The following ABR variants were observed in gnomAD, a reference collection of about 807,000 sequenced individuals.
ABR encodes the protein ABR activator of RhoGEF and GTPase.
A neutral mutation model predicts 107.2 loss-of-function variants in ABR; 35 were observed. The observed-to-expected ratio is 0.33, with a 90% confidence interval of 0.25 to 0.43. ABR has a LOEUF of 0.43. Among genes scored for constraint, ABR ranks in the 20% least tolerant of loss-of-function variants. The probability of loss-of-function intolerance (pLI) is 1.00; values close to 1 mark genes in which losing one functional copy is unlikely to be tolerated. For missense variants in ABR, 815 were observed against 1,115.2 expected (o/e 0.73, Z 3.83); for synonymous variants, 498 against 462.0 (o/e 1.08, Z -1.00).
upstream of ABR, among the ~76,000 whole-genome samples, chr17:1,187,576 G>C (rs1235567946): frequency 6.6e-6 from 1 of 152,184 alleles, no homozygotes; most frequent in Non-Finnish European, 1.5e-5. Context: ...TCATCCCGCC[G>C]GACAAAACCT....
Position 1,025,086 on chromosome 17 carries a change from C to A in ABR, c.1792-11922G>T, listed in dbSNP as rs2072075707. Reference sequence around the variant, plus strand: ...GCAGTGAGCCAAGATTGCGCCACTGCACTCCAGCCTGGGCGACAGCGAGAC... The same window carrying A: ...GCAGTGAGCCAAGATTGCGCCACTGAACTCCAGCCTGGGCGACAGCGAGAC... On this transcript the variant is annotated intron_variant, in intron 16 of 22. Coordinates refer to ENST00000302538, the MANE Select transcript of ABR (RefSeq NM_021962.5). Among the ~76,000 whole-genome samples, 3 of 112,972 alleles carry A rather than the reference C, an allele frequency of 2.7e-5. 1 individual carries two copies. In the South Asian group the frequency reaches 9.3e-4, roughly 35 times the overall value. 74.1% of individuals were successfully genotyped at this position (112,972 alleles called of 152,430 possible). A position where few individuals can be genotyped will look rare whatever the true frequency, so the allele number is the denominator to read the frequency against.
intron 3 of ABR, among the ~76,000 whole-genome samples, chr17:1,098,112 G>A (rs573654886): frequency 8.3e-5 from 12 of 144,684 alleles, no homozygotes; most frequent in African/African-American, 1.3e-4. Flanking sequence ...TCACTGTGTC[G>A]CCCAGGCTGG....
chr17:1,115,811 C>A (rs2440058), intron 2 of ABR, among the ~76,000 whole-genome samples: 94,652 of 151,650 alleles, frequency 0.62, 29,702 homozygotes, highest in African/African-American at 0.68. Flanking sequence ...CTGTAATCCC[C>A]GCTACTAGGG....
intron 2 of ABR, among the ~76,000 whole-genome samples, chr17:1,108,073 CCT>C (rs1272515385): frequency 6.6e-6 from 1 of 152,226 alleles, no homozygotes; most frequent in African/African-American, 2.4e-5. Flanking sequence ...GGTTAGGCAG[CCT>C]CGCCTAGCAG....
At chr17:1,012,163 C>A in intron 18 of ABR, 178 bp from the exon 19 acceptor site, 2 of 1,000,070 alleles carry the variant, frequency 2.0e-6, no homozygotes, top group Non-Finnish European at 3.0e-6. Flanking sequence ...CCAGCCCACC[C>A]GAGGCCTGCC....
chr17:1,124,607 A>T (rs1033547390), intron 2 of ABR, among the ~76,000 whole-genome samples: 1 of 152,264 alleles, frequency 6.6e-6, no homozygotes, highest in Non-Finnish European at 1.5e-5. Context: ...CTCAGAGCAC[A>T]TACTTAATAT....
intron 1 of ABR, among the ~76,000 whole-genome samples, chr17:1,128,304 C>T (rs1025376381): frequency 2.0e-5 from 3 of 152,220 alleles, no homozygotes; most frequent in African/African-American, 7.2e-5. Context: ...CTTCAGTCTC[C>T]GACGGCCACA....
rs549617306 is a variant in ABR at position 1,084,373 on chromosome 17, T to C, written c.532-746A>G. ...GCCTGGGTGACAGAGTAAGACTCCG[T>C]CTCAAAAAGAAAACAAAACAACAAA... On this transcript the variant is annotated intron_variant, in intron 4 of 22. Coordinates refer to ENST00000302538, the MANE Select transcript of ABR (RefSeq NM_021962.5). This position sits in a 1 kb window ranked among gnomAD's most constrained non-coding sequence, Gnocchi z 4.2. Among the ~76,000 whole-genome samples, 8 of 152,180 alleles carry C rather than the reference T, an allele frequency of 5.3e-5. No individual in the cohort carries two copies. Among genetic ancestry groups the C allele is most frequent in the Non-Finnish European group, 1.0e-4 (7 of 68,024 alleles).
chr17:1,021,985 C>G (rs1405629833), intron 16 of ABR, among the ~76,000 whole-genome samples: 2 of 151,118 alleles, frequency 1.3e-5, no homozygotes, highest in Non-Finnish European at 2.9e-5. Context: ...CTGACGAAAC[C>G]CCATCTCTAC....
At chr17:1,006,695 G>A (rs563725786) in intron 22 of ABR, among the ~76,000 whole-genome samples, 10 of 152,262 alleles carry the variant, frequency 6.6e-5, no homozygotes, top group African/African-American at 2.4e-4. Flanking sequence ...AGAGGTGTGG[G>A]GACTCTGAGC....
intron 16 of ABR, among the ~76,000 whole-genome samples, chr17:1,016,405 C>T (rs2071163734): frequency 6.6e-6 from 1 of 151,874 alleles, no homozygotes. Flanking sequence ...CAAGCTCCAC[C>T]TCCCGGGTTC....
At position 1,179,792 on chromosome 17, in the gene ABR, G is replaced by T. The variant is rs1305126347; in HGVS notation, c.-65C>A. 1.4e-5 allele frequency: 18 copies of T among 1,247,506 alleles called. 5 individuals are homozygous for T. The highest frequency in any genetic ancestry group is 3.2e-5 in the South Asian group (2 of 61,882). 77.3% of individuals were successfully genotyped at this position (1,247,506 alleles called of 1,614,324 possible). ...CATCGCGCAACAAAGGAGGGAGAGC[G>T]GGCGGGAGCCGGGGGAGGCCGAAGT... is the stretch of plus-strand genomic sequence containing the variant. On this transcript the variant is annotated 5_prime_UTR_variant, in exon 1 of 23. Coordinates refer to ENST00000302538, the MANE Select transcript of ABR (RefSeq NM_021962.5). The surrounding 1 kb of genome is among the most constrained non-coding windows in gnomAD (Gnocchi z 4.9).
chr17:1,065,899 C>T (rs548748487), intron 10 of ABR, among the ~76,000 whole-genome samples: 1 of 152,076 alleles, frequency 6.6e-6, no homozygotes, highest in South Asian at 2.1e-4. Flanking sequence ...GCGGAAGCCA[C>T]CACGCCAGGC....
intron 1 of ABR, among the ~76,000 whole-genome samples, chr17:1,220,199 G>A (rs2150757665): frequency 6.6e-6 from 1 of 152,124 alleles, no homozygotes; most frequent in African/African-American, 2.4e-5. Flanking sequence ...GCTGAGACAG[G>A]AGAATGGTGT....
At chr17:1,203,043 C>G (rs1352891452) in intron 1 of ABR, among the ~76,000 whole-genome samples, 1 of 152,034 alleles carries the variant, frequency 6.6e-6, no homozygotes, top group African/African-American at 2.4e-5. Context: ...TGCACCACCA[C>G]GCCTGGCTAA....
At chr17:1,104,162 C>G (rs538986352) in intron 2 of ABR, among the ~76,000 whole-genome samples, 120 of 152,312 alleles carry the variant, frequency 7.9e-4, no homozygotes, top group Non-Finnish European at 1.3e-3. Context: ...CCTGTCCTCA[C>G]TTCCTCCCAG....
chr17:1,124,816 A>G (rs2039516541), intron 2 of ABR, among the ~76,000 whole-genome samples: 1 of 152,174 alleles, frequency 6.6e-6, no homozygotes, highest in Non-Finnish European at 1.5e-5. Context: ...CGGGCCACGC[A>G]TGCAGCCACT....
intron 16 of ABR, among the ~76,000 whole-genome samples, chr17:1,020,112 C>T (rs1157237382): frequency 1.4e-4 from 22 of 152,014 alleles, no homozygotes; most frequent in Admixed American, 7.9e-4. Flanking sequence ...GAGACGGAGT[C>T]GCACTCTGTC....
intron 1 of ABR, among the ~76,000 whole-genome samples, chr17:1,174,450 G>A (rs889954002): frequency 6.6e-6 from 1 of 152,160 alleles, no homozygotes; most frequent in African/African-American, 2.4e-5. Flanking sequence ...GGTCCCTGGT[G>A]TAGAGAATGT....
Sources: allele counts gnomAD v4.1 joint callset (sites outside exome capture counted in the v4.1 genomes callset), GRCh38; gene constraint gnomAD v4.1.1; non-coding constraint Gnocchi (gnomAD v3.1); transcripts MANE v1.5; gene names NCBI Gene and HGNC (gene_info 2026-07-23, HGNC 2026-07-21).